The following DNMT3A variants were observed in gnomAD, a reference collection of about 807,000 sequenced individuals.
DNMT3A encodes the protein DNA methyltransferase 3 alpha, also known as DNA (cytosine-5)-methyltransferase 3A.
In DNMT3A, 267 loss-of-function variants were observed where a neutral mutation model predicts 117.6. That is an observed-to-expected ratio of 2.27 (90% confidence interval 2.05 to 2.51). The LOEUF is 2.51. DNMT3A is among the 30% of genes most tolerant of loss of function. The probability of loss-of-function intolerance (pLI) is 0.00; values close to 1 mark genes in which losing one functional copy is unlikely to be tolerated. For synonymous variants in DNMT3A, 432 were observed against 474.8 expected (o/e 0.91, Z 1.17); for missense variants, 1,029 against 1,260.2 (o/e 0.82, Z 2.78).
At chr2:25,240,270 T>C (rs1272483051) in intron 19 of DNMT3A, 32 bp downstream of exon 19, 1 of 1,613,686 alleles carries the variant, frequency 6.2e-7, no homozygotes, top group East Asian at 2.2e-5. Flanking sequence ...AAGCCATTAG[T>C]GAGCTGGCCA....
chr2:25,312,298 C>T (rs2034165353), intron 2 of DNMT3A, among the ~76,000 whole-genome samples: 1 of 152,174 alleles, frequency 6.6e-6, no homozygotes, highest in Admixed American at 6.5e-5. Context: ...CGGGGGCAGC[C>T]TAGGGGCCCG....
intron 3 of DNMT3A, among the ~76,000 whole-genome samples, chr2:25,292,504 G>A (rs1251482024): frequency 6.6e-6 from 1 of 152,184 alleles, no homozygotes. Context: ...GGAAAATGGT[G>A]CTATCTTTTC....
At position 25,247,115 on chromosome 2, in the gene DNMT3A, GC is replaced by G; in HGVS notation, c.1057del (p.Ala353ArgfsTer54). 6.2e-7 allele frequency: 1 copy of G among 1,614,102 alleles called. No homozygotes were observed. The highest frequency in any genetic ancestry group is 1.6e-4 in the Middle Eastern group (1 of 6,062). On this transcript the variant is annotated frameshift_variant, in exon 9 of 23. Transcript: ENST00000321117. LOFTEE classifies it high-confidence loss of function. The surrounding 1 kb of genome is among the most constrained non-coding windows in gnomAD (Gnocchi z 5.6). ...CTTGTTGTACGTGGCCTGGTGGAAC[GC>G]ACTGCAAAACGAGCTCAGCGGCATC... ...KLMPLSSFCSAFHQATYNKQP... is the reference protein window; with the variant it reads ...KLMPLSSFCSXFHQATYNKQP...
In DNMT3A at chr2:25,309,751, T is replaced by A. The variant is rs143206362; in HGVS notation, c.72+4162A>T. ...TAATAGTGTCTACCTTATGCGGCAA[T>A]TGTAAGAATTAAATAAGATAGGCCC... is the stretch of plus-strand genomic sequence containing the variant. On this transcript the variant is annotated intron_variant, in intron 2 of 22. Transcript: ENST00000321117. Among the ~76,000 whole-genome samples, 165 of 152,202 alleles carry A rather than the reference T, an allele frequency of 1.1e-3. 1 individual carries two copies. The highest frequency in any genetic ancestry group is 3.6e-3 in the African/African-American group (151 of 41,518).
At chr2:25,320,884 C>T (rs1029615661) in intron 1 of DNMT3A, among the ~76,000 whole-genome samples, 5 of 152,164 alleles carry the variant, frequency 3.3e-5, no homozygotes, top group African/African-American at 1.2e-4. Context: ...GTAATCCCAG[C>T]ACTTTGGGAG....
rs555673872 is a variant in DNMT3A, at chr2:25,253,115, G to A, written c.640-4863C>T. Among the ~76,000 whole-genome samples, 9 of 152,236 alleles carry A rather than the reference G, an allele frequency of 5.9e-5. 1 individual carries two copies. The highest frequency in any genetic ancestry group is 1.9e-4 in the African/African-American group (8 of 41,530). On this transcript the variant is annotated intron_variant, in intron 6 of 22. Coordinates refer to ENST00000321117, the MANE Select transcript of DNMT3A (RefSeq NM_022552.5). The stretch of plus-strand genomic sequence containing the variant: ...TCCCAGGCTCAAACATCTGCAGATC[G>A]AGAAGACCTGACTCCTCTCCTGGGG...
chr2:25,271,331 C>T (rs532625553), intron 6 of DNMT3A, among the ~76,000 whole-genome samples: 1 of 152,340 alleles, frequency 6.6e-6, no homozygotes, highest in Admixed American at 6.5e-5. Flanking sequence ...GCCTTGACAA[C>T]AAGAGTGAAA....
At chr2:25,248,728 A>T (rs1558675556) in intron 6 of DNMT3A, among the ~76,000 whole-genome samples, 1 of 151,770 alleles carries the variant, frequency 6.6e-6, no homozygotes, top group Non-Finnish European at 1.5e-5. Flanking sequence ...TTGTATTTTT[A>T]GTAGAGATGG....
Position 25,236,397 on chromosome 2 carries a change from C to G in DNMT3A, c.2478+539G>C, listed in dbSNP as rs1174606139. Among the ~76,000 whole-genome samples the G allele has an allele frequency of 6.6e-6, 1 of 152,178 alleles. No homozygotes were observed. The highest frequency in any genetic ancestry group is 1.5e-5 in the Non-Finnish European group (1 of 68,028). ...AGACTTTAGAAGTAGAAGCTGTAGC[C>G]ACTGTACTTTCCAAGTCTTCCAAAG... On this transcript the variant is annotated intron_variant, in intron 21 of 22. Coordinates refer to ENST00000321117, the MANE Select transcript of DNMT3A (RefSeq NM_022552.5). This position sits in a 1 kb window ranked among gnomAD's most constrained non-coding sequence, Gnocchi z 4.5.
In DNMT3A at chr2:25,228,253, T is replaced by G. The variant is rs1477908102; in HGVS notation, c.*6026A>C. On this transcript the variant is annotated 3_prime_UTR_variant, in exon 23 of 23. Coordinates refer to ENST00000321117, the MANE Select transcript of DNMT3A (RefSeq NM_022552.5). The stretch of plus-strand genomic sequence containing the variant: ...AAAAAAAAAAAAAAAAAAAAAAAAA[T>G]ACAGTGGTGAAAGGATGCTGGAACC... The G allele has an allele frequency of 7.3e-5, 2 of 27,398 alleles. No individual in the cohort carries two copies. Among genetic ancestry groups the G allele is most frequent in the Non-Finnish European group, 1.4e-4 (2 of 14,018 alleles). The allele number at this position is 27,398 out of a possible 1,614,324, so 1.7% of individuals were successfully genotyped here. A position where few individuals can be genotyped will look rare whatever the true frequency, so the allele number is the denominator to read the frequency against.
intron 3 of DNMT3A, among the ~76,000 whole-genome samples, chr2:25,292,185 C>A (rs1480580751): frequency 1.3e-5 from 2 of 151,718 alleles, no homozygotes; most frequent in South Asian, 2.1e-4. Context: ...ATCCCTTCGA[C>A]CCTTAAAAAA....
intron 3 of DNMT3A, among the ~76,000 whole-genome samples, chr2:25,287,654 A>G (rs968814538): frequency 1.3e-5 from 2 of 151,950 alleles, no homozygotes; most frequent in African/African-American, 4.8e-5. Flanking sequence ...TGGCTGCCAC[A>G]AGGTTAGGGT....
Position 25,294,518 on chromosome 2 carries a change from TGCATAAAAGGTAGGG to T in DNMT3A, c.177+5606_177+5620del, listed in dbSNP as rs2032974633. 6.6e-6 allele frequency among the ~76,000 whole-genome samples: 1 copy of T among 152,060 alleles called. No homozygotes were observed. Among genetic ancestry groups the T allele is most frequent in the South Asian group, 2.1e-4 (1 of 4,814 alleles). On this transcript the variant is annotated intron_variant, in intron 3 of 22. Transcript: ENST00000321117. The surrounding 1 kb of genome is among the most constrained non-coding windows in gnomAD (Gnocchi z 4.7). ...GGAGACACGATGTCAGGAAGTTATA[TGCATAAAAGGTAGGG>T]GCACCATATCACCCAGCCGAGGTCC...
intron 5 of DNMT3A, 139 bp from the exon 6 acceptor site, chr2:25,275,226 T>G: frequency 7.8e-7 from 1 of 1,279,770 alleles, no homozygotes. Context: ...AGGCCCCGTG[T>G]GGGCTGGAGG....
intron 2 of DNMT3A, 116 bp downstream of exon 2, chr2:25,313,797 C>G (rs764855608): frequency 4.3e-5 from 64 of 1,473,280 alleles, no homozygotes; most frequent in Non-Finnish European, 5.4e-5. Context: ...CACACCCTGT[C>G]GTGAGCACTG....
chr2:25,295,915 C>T (rs367747685), intron 3 of DNMT3A, among the ~76,000 whole-genome samples: 3 of 152,308 alleles, frequency 2.0e-5, no homozygotes, highest in South Asian at 2.1e-4. Flanking sequence ...CACAGCTCAG[C>T]GACTATGCAA....
chr2:25,311,313 T>C lies in DNMT3A; in HGVS notation c.72+2600A>G, dbSNP rs1222271704. Among the ~76,000 whole-genome samples, 2 of 152,220 alleles carry C rather than the reference T, an allele frequency of 1.3e-5. No homozygotes were observed. Among genetic ancestry groups the C allele is most frequent in the African/African-American group, 4.8e-5 (2 of 41,456 alleles). On this transcript the variant is annotated intron_variant, in intron 2 of 22. Transcript: ENST00000321117. The surrounding 1 kb of genome is among the most constrained non-coding windows in gnomAD (Gnocchi z 5.2). ...CAGACCAAGCCTGTGTCTTCCCCTCTGCAGCTACCAGCACCCCTGCCGCAG... is the reference window on the plus strand; with the variant it reads ...CAGACCAAGCCTGTGTCTTCCCCTCCGCAGCTACCAGCACCCCTGCCGCAG...
chr2:25,259,945 T>A (rs1302337081), intron 6 of DNMT3A, among the ~76,000 whole-genome samples: 2 of 152,194 alleles, frequency 1.3e-5, no homozygotes, highest in African/African-American at 4.8e-5. Flanking sequence ...CTTTCCGGTC[T>A]TTCCCCCCCA....
At chr2:25,273,727 C>T (rs2031150581) in intron 6 of DNMT3A, among the ~76,000 whole-genome samples, 1 of 152,212 alleles carries the variant, frequency 6.6e-6, no homozygotes, top group African/African-American at 2.4e-5. Flanking sequence ...CCCCGACCCC[C>T]ACAGAAGCTT....
Sources: gnomAD v4.1 joint callset for allele counts (sites outside exome capture counted in the v4.1 genomes callset) on GRCh38, gnomAD v4.1.1 for gene constraint, Gnocchi (gnomAD v3.1) non-coding constraint, MANE v1.5 for transcripts, NCBI Gene and HGNC (gene_info 2026-07-23, HGNC 2026-07-21) for gene names.